ASIC2: variants seen among roughly 807,000 people sequenced by gnomAD.
ASIC2 encodes the protein acid-sensing ion channel 2.
Under a neutral mutation model 57.3 loss-of-function variants are expected in ASIC2, and 25 were observed. The observed-to-expected ratio is 0.44, with a 90% CI of 0.32 to 0.61. The LOEUF is 0.61. Among genes scored for constraint, ASIC2 ranks in the 20% least tolerant of loss-of-function variants. The pLI is 0.06. For synonymous variants in ASIC2, 319 were observed against 307.5 expected, an observed-to-expected ratio of 1.04 and a Z score of -0.39; for missense variants, 641 against 738.1, an observed-to-expected ratio of 0.87 and a Z score of 1.52.
chr17:33,695,021 T>A (rs1008347451), intron 1 of ASIC2, among the ~76,000 whole-genome samples: 2 of 152,208 alleles, frequency 1.3e-5, no homozygotes, highest in Non-Finnish European at 2.9e-5. Flanking sequence ...TGGTAAGTAA[T>A]TTTTAAAGGT....
chr17:33,162,366 G>A lies in ASIC2; in HGVS notation c.709-50299C>T, dbSNP rs540994793. ...AAAGCATCGCCACATAAATCTCCTCGCACGGAACATCTGCCCCACCCCAGA... is the reference window on the plus strand; with the variant it reads ...AAAGCATCGCCACATAAATCTCCTCACACGGAACATCTGCCCCACCCCAGA... On this transcript the variant is annotated intron_variant, in intron 1 of 9. Transcript: ENST00000225823. 2.4e-4 allele frequency among the ~76,000 whole-genome samples: 37 copies of A among 152,190 alleles called. No individual in the cohort carries two copies. The South Asian group carries it at 5.8e-3, about 24-fold the overall frequency.
At chr17:33,989,854 GGAGACCAAT>G (rs1905947779) in intron 1 of ASIC2, among the ~76,000 whole-genome samples, 1 of 152,148 alleles carries the variant, frequency 6.6e-6, no homozygotes, top group Admixed American at 6.5e-5. Context: ...CAGGAGACCT[GGAGACCAAT>G]GAGTTTTTGC....
At chr17:33,451,492 C>A (rs539466860) in intron 1 of ASIC2, among the ~76,000 whole-genome samples, 2 of 152,142 alleles carry the variant, frequency 1.3e-5, no homozygotes, top group African/African-American at 4.8e-5. Flanking sequence ...CAGTAGTCAG[C>A]GCTGTTACAA....
intron 2 of ASIC2, among the ~76,000 whole-genome samples, chr17:33,110,375 A>G (rs1199795185): frequency 6.6e-6 from 1 of 152,090 alleles, no homozygotes; most frequent in Non-Finnish European, 1.5e-5. Context: ...GGGATGCCAG[A>G]GATCAGAACG....
rs528312823 is a variant in ASIC2 at position 33,307,070 on chromosome 17, C to T, written c.556-195003G>A. On this transcript the variant is annotated intron_variant, in intron 1 of 9. Coordinates refer to the ASIC2 transcript ENST00000359872. ...CCCTTCTCACCCTGGCCCCATCCAC[C>T]TACAAGACTCTCATGGGACTTCCTA... Among the ~76,000 whole-genome samples, 73 of 152,314 alleles carry T rather than the reference C, an allele frequency of 4.8e-4. 1 individual carries two copies. The Middle Eastern group carries it at 0.017, about 35-fold the overall frequency.
chr17:34,100,190 T>C (rs954748082), intron 1 of ASIC2, among the ~76,000 whole-genome samples: 2 of 151,414 alleles, frequency 1.3e-5, no homozygotes, highest in African/African-American at 4.8e-5. Flanking sequence ...TCTTGTTTTT[T>C]TTTTTTTTTT....
chr17:33,165,081 A>G (rs1400325504), intron 1 of ASIC2, among the ~76,000 whole-genome samples: 1 of 152,212 alleles, frequency 6.6e-6, no homozygotes, highest in Non-Finnish European at 1.5e-5. Flanking sequence ...AATCCCTAGC[A>G]TAGAACCTGG....
chr17:33,421,582 A>G (rs16968324), intron 1 of ASIC2, among the ~76,000 whole-genome samples: 16,124 of 152,246 alleles, frequency 0.11, 934 homozygotes, highest in Middle Eastern at 0.14. Flanking sequence ...AGCAAGTTGC[A>G]TTGACTTATT....
chr17:33,381,492 T>G (rs1909486694), intron 1 of ASIC2, among the ~76,000 whole-genome samples: 1 of 152,220 alleles, frequency 6.6e-6, no homozygotes, highest in Non-Finnish European at 1.5e-5. Flanking sequence ...CTGTGTGCTT[T>G]CATCCAGGAG....
intron 1 of ASIC2, among the ~76,000 whole-genome samples, chr17:33,815,809 C>A (rs1488817000): frequency 6.6e-6 from 1 of 152,162 alleles, no homozygotes; most frequent in Non-Finnish European, 1.5e-5. Flanking sequence ...TACTCCAATC[C>A]TCTCATTTTA....
At chr17:33,889,026 A>G (rs1157810062) in intron 1 of ASIC2, among the ~76,000 whole-genome samples, 1 of 152,086 alleles carries the variant, frequency 6.6e-6, no homozygotes, top group Non-Finnish European at 1.5e-5. Context: ...GCTGAGTAAA[A>G]ATGTTTCTTG....
chr17:34,122,627 T>A (rs955673185), intron 1 of ASIC2, among the ~76,000 whole-genome samples: 4 of 152,248 alleles, frequency 2.6e-5, no homozygotes, highest in African/African-American at 9.6e-5. Flanking sequence ...AGCTATTTTA[T>A]CTTCTCAGAG....
intron 1 of ASIC2, among the ~76,000 whole-genome samples, chr17:33,582,649 T>C (rs1904481778): frequency 6.6e-6 from 1 of 152,226 alleles, no homozygotes. Flanking sequence ...CTTGCCATAG[T>C]AAATATTCAG....
chr17:33,182,644 T>C (rs754871953), intron 1 of ASIC2, among the ~76,000 whole-genome samples: 7 of 152,194 alleles, frequency 4.6e-5, no homozygotes, highest in Non-Finnish European at 7.3e-5. Flanking sequence ...TCTCTCTCTA[T>C]CATAATGGAC....
In ASIC2 at chr17:33,833,482, C is replaced by T. The variant is rs544538140; in HGVS notation, c.555+322496G>A. 9.2e-4 allele frequency among the ~76,000 whole-genome samples: 140 copies of T among 151,880 alleles called. 1 individual carries two copies. Among genetic ancestry groups the T allele is most frequent in the Admixed American group, 3.5e-3 (53 of 15,216 alleles). On this transcript the variant is annotated intron_variant, in intron 1 of 9. Coordinates refer to the ASIC2 transcript ENST00000359872. The stretch of plus-strand genomic sequence containing the variant: ...TATACGCTGTTTTAATGAGACCTTC[C>T]GTTCTCTTTGTCTGTGTGTGTGTGT...
chr17:33,116,913 G>C (rs956294886), intron 1 of ASIC2, among the ~76,000 whole-genome samples: 1 of 151,606 alleles, frequency 6.6e-6, no homozygotes, highest in Non-Finnish European at 1.5e-5. Flanking sequence ...GCAGTGGCAC[G>C]ATCACAACTC....
In ASIC2 at chr17:33,987,519, T is replaced by G. The variant is rs367663010; in HGVS notation, c.555+168459A>C. Among the ~76,000 whole-genome samples the G allele has an allele frequency of 1.4e-4, 22 of 152,328 alleles. No homozygotes were observed. The South Asian group carries it at 2.7e-3, about 19-fold the overall frequency. Reference sequence around the variant, plus strand: ...GACCGTCATATTCAGTCACCTCATTTGAAATCTGGGGAACCTGAGATGCAG... The same window carrying G: ...GACCGTCATATTCAGTCACCTCATTGGAAATCTGGGGAACCTGAGATGCAG... On this transcript the variant is annotated intron_variant, in intron 1 of 9. Coordinates refer to the ASIC2 transcript ENST00000359872.
intron 1 of ASIC2, chr17:34,038,086 C>T (rs1460697586): frequency 6.2e-7 from 1 of 1,613,092 alleles, no homozygotes; most frequent in African/African-American, 1.3e-5. Flanking sequence ...CATCCATGAT[C>T]TTCGAAAGAC....
intron 1 of ASIC2, among the ~76,000 whole-genome samples, chr17:33,475,531 G>C (rs1012933455): frequency 6.6e-6 from 1 of 152,068 alleles, no homozygotes; most frequent in Non-Finnish European, 1.5e-5. Flanking sequence ...TGTTGTTTTG[G>C]CTTTGTTGGT....
Sources: allele counts gnomAD v4.1 joint callset (sites outside exome capture counted in the v4.1 genomes callset), GRCh38; gene constraint gnomAD v4.1.1; transcripts MANE v1.5; gene names NCBI Gene and HGNC (gene_info 2026-07-23, HGNC 2026-07-21).